CEP43: variants seen among roughly 807,000 people sequenced by gnomAD.
The protein encoded by CEP43 is FGFR1 oncogene partner.
In CEP43, 36 loss-of-function variants were observed where a neutral mutation model predicts 52.6. The observed-to-expected ratio is 0.68, with a 90% confidence interval of 0.52 to 0.90. The LOEUF (loss-of-function observed/expected upper bound fraction) is 0.90, where lower values mean the gene tolerates loss of function less well. Among genes scored for constraint, CEP43 ranks in the 40% least tolerant of loss-of-function variants. CEP43 has a pLI of 0.00. For synonymous variants in CEP43, 192 were observed against 172.4 expected, an observed-to-expected ratio of 1.11 and a Z score of -0.89; for missense variants, 506 against 472.8, an observed-to-expected ratio of 1.07 and a Z score of -0.65.
At position 167,050,363 on chromosome 6, in the gene CEP43, A is replaced by G. The variant is rs938371068; in HGVS notation, c.*10385A>G. On this transcript the variant is annotated 3_prime_UTR_variant, in exon 13 of 13. Transcript: ENST00000366847. ...CTTTATAAATTACCAAGCTGCGGCT[A>G]TTTCTTCATAGCAGTGTGAGAACGG... 6.6e-6 allele frequency: 1 copy of G among 152,230 alleles called. No individual in the cohort carries two copies. The highest frequency in any genetic ancestry group is 2.4e-5 in the African/African-American group (1 of 41,444). The allele number at this position is 152,230 out of a possible 1,614,324, so 9.4% of individuals were successfully genotyped here.
At chr6:167,036,544 T>A in intron 12 of CEP43, 1 of 985,416 alleles carries the variant, frequency 1.0e-6, no homozygotes, top group East Asian at 1.1e-4. Flanking sequence ...AGGTTTCTGT[T>A]AATGCATAGC....
At chr6:167,027,650 A>G (rs1780383572) in intron 10 of CEP43, among the ~76,000 whole-genome samples, 1 of 152,252 alleles carries the variant, frequency 6.6e-6, no homozygotes, top group Non-Finnish European at 1.5e-5. Flanking sequence ...TAGAAGTGAC[A>G]TCTCAGATGT....
At position 167,040,872 on chromosome 6, in the gene CEP43, A is replaced by G. The variant is rs1184337719; in HGVS notation, c.*894A>G. On this transcript the variant is annotated 3_prime_UTR_variant, in exon 13 of 13. Transcript: ENST00000366847. ...GACCATGTTCAGTTTGACAAGCTTTATATACTGTACATAATTTCATTGTAA... is the reference window on the plus strand; with the variant it reads ...GACCATGTTCAGTTTGACAAGCTTTGTATACTGTACATAATTTCATTGTAA... 3 of 1,024,448 alleles carry G rather than the reference A, an allele frequency of 2.9e-6. No homozygotes were observed. Among genetic ancestry groups the G allele is most frequent in the Non-Finnish European group, 3.5e-6 (3 of 852,928 alleles). 63.5% of individuals were successfully genotyped at this position (1,024,448 alleles called of 1,614,324 possible).
chr6:167,013,752 T>G (rs1780033827), intron 7 of CEP43, among the ~76,000 whole-genome samples, 185 bp downstream of exon 7: 1 of 152,190 alleles, frequency 6.6e-6, no homozygotes, highest in Non-Finnish European at 1.5e-5. Flanking sequence ...GGCGGGCGGA[T>G]CACTTGAGGT....
Position 167,049,428 on chromosome 6 carries a change from C to T in CEP43, c.*9450C>T, listed in dbSNP as rs1208214565. 1 of 152,248 alleles carries T rather than the reference C, an allele frequency of 6.6e-6. No homozygotes were observed. Among genetic ancestry groups the T allele is most frequent in the East Asian group, 1.9e-4 (1 of 5,204 alleles). 9.4% of individuals were successfully genotyped at this position (152,248 alleles called of 1,614,324 possible). On this transcript the variant is annotated 3_prime_UTR_variant, in exon 13 of 13. Transcript: ENST00000366847. ...CCACTTCCTGTCTCTTCAGAGTTGCCTCTTCTGGACATTACATATAAACGG... is the reference window on the plus strand; with the variant it reads ...CCACTTCCTGTCTCTTCAGAGTTGCTTCTTCTGGACATTACATATAAACGG...
intron 8 of CEP43, among the ~76,000 whole-genome samples, chr6:167,023,420 T>C (rs1016668557): frequency 6.6e-6 from 1 of 152,144 alleles, no homozygotes; most frequent in Non-Finnish European, 1.5e-5. Context: ...CCTGCAAAAC[T>C]AGAAGGTTGG....
rs1169198433 is a variant in CEP43 at position 167,032,617 on chromosome 6, G to A, written c.1003G>A (p.Asp335Asn). ...AAACTTATCAGGAACTGGAGAAGAT[G>A]ATGACTATGTTGATGATTTTAATAG... ...GSLGLGTGED[D>N]DYVDDFNSTS... The change falls in exon 11 of 13, where the codon GAT (aspartate) becomes AAT (asparagine). Residue 335 changes from aspartate (D) to asparagine (N), a missense_variant. Physicochemically the swap from Asp to Asn is conservative, Grantham distance 23 (BLOSUM62 1). Coordinates refer to ENST00000366847, the MANE Select transcript of CEP43 (RefSeq NM_007045.4). 6.3e-7 allele frequency: 1 copy of A among 1,581,180 alleles called. No individual in the cohort carries two copies. The highest frequency in any genetic ancestry group is 8.6e-7 in the Non-Finnish European group (1 of 1,159,892).
intron 9 of CEP43, among the ~76,000 whole-genome samples, chr6:167,025,500 T>A (rs1780334303): frequency 6.6e-6 from 1 of 152,366 alleles, no homozygotes; most frequent in Admixed American, 6.5e-5. Context: ...AACCGTATCA[T>A]AGTAAATGTT....
At chr6:167,020,642 C>A (rs1197183486) in intron 7 of CEP43, among the ~76,000 whole-genome samples, 7 of 152,194 alleles carry the variant, frequency 4.6e-5, no homozygotes, top group African/African-American at 1.4e-4. Flanking sequence ...TGGCTCACGG[C>A]TCACGCCTGT....
Position 167,044,380 on chromosome 6 carries a change from A to G in CEP43, c.*4402A>G, listed in dbSNP as rs145905659. On this transcript the variant is annotated 3_prime_UTR_variant, in exon 13 of 13. Transcript: ENST00000366847. Reference sequence around the variant, plus strand: ...CTCAAAATCAGTAAGCTCAAAGGCAATTTCAAAGAAATCTTTATGTTTAGC... The same window carrying G: ...CTCAAAATCAGTAAGCTCAAAGGCAGTTTCAAAGAAATCTTTATGTTTAGC... The G allele has an allele frequency of 2.0e-6, 2 of 985,310 alleles. No individual in the cohort carries two copies. The highest frequency in any genetic ancestry group is 2.4e-6 in the Non-Finnish European group (2 of 829,804). The allele number at this position is 985,310 out of a possible 1,614,324, so 61.0% of individuals were successfully genotyped here.
rs1780794484 is a variant in CEP43, at chr6:167,046,240, CTTA to C, written c.*6265_*6267del. 1 of 151,900 alleles carries C rather than the reference CTTA, an allele frequency of 6.6e-6. No homozygotes were observed. The highest frequency in any genetic ancestry group is 2.4e-5 in the African/African-American group (1 of 41,314). 9.4% of individuals were successfully genotyped at this position (151,900 alleles called of 1,614,324 possible). On this transcript the variant is annotated 3_prime_UTR_variant, in exon 13 of 13. Coordinates refer to ENST00000366847, the MANE Select transcript of CEP43 (RefSeq NM_007045.4). ...TTGTCATGATTTATTGCAGGGTTCA[CTTA>C]TTTGATCTACCCCAACTTAACACAC... is the stretch of plus-strand genomic sequence containing the variant.
chr6:167,004,447 G>C (rs79205895), intron 5 of CEP43, 46 bp downstream of exon 5: 1 of 1,524,048 alleles, frequency 6.6e-7, no homozygotes, highest in Non-Finnish European at 8.8e-7. Flanking sequence ...ATTATTGGCT[G>C]CTTAGTTTAG....
chr6:167,049,013 A>AT lies in CEP43; in HGVS notation c.*9041dup, dbSNP rs1562539116. On this transcript the variant is annotated 3_prime_UTR_variant, in exon 13 of 13. Transcript: ENST00000366847. ...CATTTTTGATCAACAGAGTAAACTG[A>AT]TTTTTTATCTCTGTTGAAAGATATT... 6.6e-6 allele frequency: 1 copy of AT among 152,204 alleles called. No homozygotes were observed. The highest frequency in any genetic ancestry group is 2.4e-5 in the African/African-American group (1 of 41,446). 9.4% of individuals were successfully genotyped at this position (152,204 alleles called of 1,614,324 possible). A position where few individuals can be genotyped will look rare whatever the true frequency, so the allele number is the denominator to read the frequency against.
chr6:167,004,154 C>A, intron 4 of CEP43, 110 bp from the exon 5 acceptor site: 1 of 1,139,684 alleles, frequency 8.8e-7, no homozygotes, highest in Non-Finnish European at 1.2e-6. Flanking sequence ...ATTAGTAAGA[C>A]AGTCTCTTTG....
chr6:166,999,705 G>T (rs2128655822), intron 1 of CEP43, 191 bp downstream of exon 1: 1 of 487,048 alleles, frequency 2.1e-6, no homozygotes. Context: ...CGTTCGTGTG[G>T]TCCCGGAGGG....
intron 7 of CEP43, among the ~76,000 whole-genome samples, chr6:167,015,157 T>C (rs1181858582): frequency 6.6e-6 from 1 of 151,934 alleles, no homozygotes; most frequent in South Asian, 2.1e-4. Flanking sequence ...TTGAAGAATC[T>C]AGGTGGGCCC....
intron 7 of CEP43, among the ~76,000 whole-genome samples, chr6:167,014,762 CATTT>C (rs1255111887): frequency 6.6e-6 from 1 of 152,112 alleles, no homozygotes; most frequent in East Asian, 1.9e-4. Flanking sequence ...TTTTTTTTAA[CATTT>C]ACATAGTGAA....
rs1245058319 is a variant in CEP43 at position 167,047,527 on chromosome 6, A to C, written c.*7549A>C. 1 of 152,176 alleles carries C rather than the reference A, an allele frequency of 6.6e-6. No homozygotes were observed. The highest frequency in any genetic ancestry group is 6.5e-5 in the Admixed American group (1 of 15,284). The allele number at this position is 152,176 out of a possible 1,614,324, so 9.4% of individuals were successfully genotyped here. On this transcript the variant is annotated 3_prime_UTR_variant, in exon 13 of 13. Coordinates refer to ENST00000366847, the MANE Select transcript of CEP43 (RefSeq NM_007045.4). ...AGCTTAGCATTGTTCTTGGCAAGTC[A>C]CTAGTACTCAGTAAATACTATTTTT...
intron 2 of CEP43, among the ~76,000 whole-genome samples, chr6:167,002,243 G>T (rs916217611): frequency 1.3e-5 from 2 of 151,936 alleles, no homozygotes; most frequent in East Asian, 3.8e-4. Flanking sequence ...AAATGGAATC[G>T]TATAGTAGGT....
Sources: allele counts gnomAD v4.1 joint callset (sites outside exome capture counted in the v4.1 genomes callset), GRCh38; gene constraint gnomAD v4.1.1; transcripts MANE v1.5; gene names NCBI Gene and HGNC (gene_info 2026-07-23, HGNC 2026-07-21).